PCSK2: variants seen among roughly 807,000 people sequenced by gnomAD.
The protein encoded by PCSK2 is neuroendocrine convertase 2.
Under a neutral mutation model 69.7 loss-of-function variants are expected in PCSK2, and 14 were observed. That is an observed-to-expected ratio of 0.20 (90% confidence interval 0.13 to 0.31). PCSK2 has a LOEUF of 0.31. PCSK2 is among the 10% of genes least tolerant of loss of function. The probability of loss-of-function intolerance (pLI) is 1.00; values close to 1 mark genes in which losing one functional copy is unlikely to be tolerated. For missense variants in PCSK2, 544 were observed against 842.5 expected (o/e 0.65, Z 4.39); for synonymous variants, 307 against 320.7 (o/e 0.96, Z 0.46).
intron 2 of PCSK2, among the ~76,000 whole-genome samples, chr20:17,269,249 G>T (rs987563436): frequency 6.6e-6 from 1 of 152,102 alleles, no homozygotes; most frequent in Non-Finnish European, 1.5e-5. Context: ...CAGGAGACTA[G>T]TTGAGCTTAC....
At chr20:17,275,570 C>G (rs981738109) in intron 2 of PCSK2, among the ~76,000 whole-genome samples, 1 of 152,092 alleles carries the variant, frequency 6.6e-6, no homozygotes, top group African/African-American at 2.4e-5. Flanking sequence ...TTTGTGCTGA[C>G]AAATCTAAAA....
chr20:17,413,210 T>C (rs1361412081), intron 6 of PCSK2, among the ~76,000 whole-genome samples: 5 of 152,194 alleles, frequency 3.3e-5, no homozygotes, highest in Non-Finnish European at 5.9e-5. Context: ...ATGGGCTAAA[T>C]GCCCCAATTA....
chr20:17,253,066 T>G (rs746757844), intron 1 of PCSK2, among the ~76,000 whole-genome samples: 1 of 152,196 alleles, frequency 6.6e-6, no homozygotes, highest in African/African-American at 2.4e-5. Flanking sequence ...TTCTGAAGTA[T>G]CTATCAAAAT....
chr20:17,362,729 T>G (rs1380474264), intron 4 of PCSK2, among the ~76,000 whole-genome samples: 4 of 152,242 alleles, frequency 2.6e-5, no homozygotes, highest in Non-Finnish European at 5.9e-5. Flanking sequence ...GTTGGATGAA[T>G]GGTCCCAGGG....
chr20:17,350,043 G>T (rs1265093033), intron 2 of PCSK2, among the ~76,000 whole-genome samples: 1 of 151,548 alleles, frequency 6.6e-6, no homozygotes, highest in Non-Finnish European at 1.5e-5. Flanking sequence ...CTTTCACTCT[G>T]TGTGTCTGTA....
At chr20:17,461,236 A>C (rs2033009359) in intron 10 of PCSK2, among the ~76,000 whole-genome samples, 1 of 152,178 alleles carries the variant, frequency 6.6e-6, no homozygotes, top group South Asian at 2.1e-4. Context: ...TCACGTCCTT[A>C]TAGGACGTGA....
intron 4 of PCSK2, 43 bp from the exon 5 acceptor site, chr20:17,369,197 G>T: frequency 6.3e-7 from 1 of 1,576,290 alleles, no homozygotes; most frequent in Non-Finnish European, 8.7e-7. Context: ...CACAGTGGCA[G>T]GTATTAACCT....
chr20:17,356,552 A>G (rs1478225962), intron 2 of PCSK2, among the ~76,000 whole-genome samples: 1 of 152,116 alleles, frequency 6.6e-6, no homozygotes, highest in Non-Finnish European at 1.5e-5. Context: ...TGGTCTCTTC[A>G]TTCTTCTCTT....
intron 2 of PCSK2, among the ~76,000 whole-genome samples, chr20:17,306,329 A>G (rs73094467): frequency 0.093 from 14,162 of 152,076 alleles, 799 homozygotes; most frequent in African/African-American, 0.15. Context: ...CCCCCCCAAA[A>G]AAACGCATAA....
At chr20:17,252,379 C>G (rs539261146) in intron 1 of PCSK2, among the ~76,000 whole-genome samples, 83 of 152,214 alleles carry the variant, frequency 5.5e-4, no homozygotes, top group Non-Finnish European at 8.8e-4. Flanking sequence ...ATTGAAATAA[C>G]CTCTCCTTTG....
chr20:17,453,666 C>A lies in PCSK2; in HGVS notation c.886-76C>A, dbSNP rs1449335908. 1.3e-6 allele frequency: 2 copies of A among 1,540,154 alleles called. No homozygotes were observed. Among genetic ancestry groups the A allele is most frequent in the Non-Finnish European group, 1.8e-6 (2 of 1,128,576 alleles). On this transcript the variant is annotated intron_variant, in intron 8 of 11. Transcript: ENST00000262545. This position sits in a 1 kb window ranked among gnomAD's most constrained non-coding sequence, Gnocchi z 4.0. ...GTTCAACTGCTGAAGAAGCCCAACC[C>A]CTGGGCTGGAGACCTCCCCTGCCCC...
Position 17,482,062 on chromosome 20 carries a change from A to G in PCSK2, c.1909A>G (p.Lys637Glu), listed in dbSNP as rs1306354451. 1.3e-6 allele frequency: 2 copies of G among 1,586,526 alleles called. No homozygotes were observed. The highest frequency in any genetic ancestry group is 2.2e-5 in the East Asian group (1 of 44,650). The change falls in exon 12 of 12, where the codon AAG (lysine) becomes GAG (glutamate). Residue 637 changes from lysine to glutamate, a missense_variant. Physicochemically the swap from Lys to Glu is moderately conservative, Grantham distance 56 (BLOSUM62 1). Transcript: ENST00000262545. ...GAGAAGCCTGAAAAGCATCCTTAAC[A>G]AGAACTAGCGCTGCACATCCGCCTT... The part of the protein sequence containing the change: ...VERSLKSILN[K>E]N
At chr20:17,303,545 A>ATT (rs1470264479) in intron 2 of PCSK2, among the ~76,000 whole-genome samples, 1 of 30,398 alleles carries the variant, frequency 3.3e-5, no homozygotes, top group Non-Finnish European at 6.4e-5. Flanking sequence ...TATATATAAT[A>ATT]TGATATAATA....
At chr20:17,326,724 C>G (rs1568604401) in intron 2 of PCSK2, among the ~76,000 whole-genome samples, 2 of 152,188 alleles carry the variant, frequency 1.3e-5, no homozygotes, top group Admixed American at 1.3e-4. Context: ...AGTTCTTAAC[C>G]TTATTACAGT....
At chr20:17,282,656 GA>G (rs1313862736) in intron 2 of PCSK2, among the ~76,000 whole-genome samples, 5 of 145,452 alleles carry the variant, frequency 3.4e-5, no homozygotes, top group African/African-American at 4.9e-5. Context: ...AAAGGAAAGA[GA>G]TTTTTTTTTT....
intron 1 of PCSK2, among the ~76,000 whole-genome samples, chr20:17,239,998 C>T (rs1026453151): frequency 2.6e-5 from 4 of 151,514 alleles, no homozygotes; most frequent in Non-Finnish European, 2.9e-5. Context: ...GGAGTACAGG[C>T]GCACACCACC....
At chr20:17,473,556 A>G (rs1410327715) in intron 11 of PCSK2, among the ~76,000 whole-genome samples, 1 of 152,174 alleles carries the variant, frequency 6.6e-6, no homozygotes, top group African/African-American at 2.4e-5. Flanking sequence ...TAAATTGATA[A>G]TTCCTGAGCA....
chr20:17,336,878 C>A (rs1290698574), intron 2 of PCSK2, among the ~76,000 whole-genome samples: 1 of 152,126 alleles, frequency 6.6e-6, no homozygotes, highest in Non-Finnish European at 1.5e-5. Context: ...GGTCTGCATC[C>A]TAGGTGTCCA....
chr20:17,338,171 T>TTGGG (rs199724801), intron 2 of PCSK2, among the ~76,000 whole-genome samples: 5 of 112,916 alleles, frequency 4.4e-5, no homozygotes, highest in Non-Finnish European at 7.1e-5. Context: ...ACATTTTTTT[T>TTGGG]GGGGGGGGGG....
Sources: allele counts gnomAD v4.1 joint callset (sites outside exome capture counted in the v4.1 genomes callset), GRCh38; gene constraint gnomAD v4.1.1; non-coding constraint Gnocchi (gnomAD v3.1); transcripts MANE v1.5; gene names NCBI Gene and HGNC (gene_info 2026-07-23, HGNC 2026-07-21).